Variants in VEGFC observed in about 807,000 individuals in gnomAD.
VEGFC encodes vascular endothelial growth factor C, also known as FLT4 ligand DHM.
In VEGFC, 12 loss-of-function variants were observed where a neutral mutation model predicts 46.1. That is an observed-to-expected ratio of 0.26 (90% CI 0.17 to 0.42). The LOEUF is 0.42. Ranked by LOEUF, VEGFC falls within the 10% of genes least tolerant of loss-of-function variation. The probability of loss-of-function intolerance (pLI) is 1.00; values close to 1 mark genes in which losing one functional copy is unlikely to be tolerated. For missense variants in VEGFC, 488 were observed against 529.4 expected (o/e 0.92, Z 0.77); for synonymous variants, 232 against 195.5 (o/e 1.19, Z -1.56).
intron 1 of VEGFC, among the ~76,000 whole-genome samples, chr4:176,782,715 G>A (rs988975705): frequency 2.6e-5 from 4 of 152,120 alleles, no homozygotes; most frequent in African/African-American, 9.7e-5. Flanking sequence ...ATAGAGATGT[G>A]AATGAATAAT....
chr4:176,768,923 G>A (rs10000057), intron 1 of VEGFC, among the ~76,000 whole-genome samples: 125,212 of 151,534 alleles, frequency 0.83, 53,260 homozygotes, highest in East Asian at 1. Context: ...CCCACCCCCC[G>A]TGCTGTGGTC....
intron 4 of VEGFC, among the ~76,000 whole-genome samples, chr4:176,708,284 G>C (rs1734570006): frequency 6.6e-6 from 1 of 151,708 alleles, no homozygotes; most frequent in South Asian, 2.1e-4. Context: ...TACCTTAAAA[G>C]TTTCCTGGCA....
chr4:176,704,638 G>A (rs7695304), intron 4 of VEGFC, among the ~76,000 whole-genome samples: 12,257 of 151,864 alleles, frequency 0.081, 1,656 homozygotes, highest in African/African-American at 0.28. Flanking sequence ...GATTACTCCC[G>A]AATTTTTCCA....
intron 3 of VEGFC, among the ~76,000 whole-genome samples, chr4:176,718,222 C>T (rs1490821521): frequency 6.6e-6 from 1 of 151,994 alleles, no homozygotes; most frequent in African/African-American, 2.4e-5. Flanking sequence ...ACCTGATTTC[C>T]AAAAACTGTG....
intron 4 of VEGFC, among the ~76,000 whole-genome samples, chr4:176,709,429 T>C (rs1260500394): frequency 6.6e-6 from 1 of 152,172 alleles, no homozygotes; most frequent in Admixed American, 6.5e-5. Flanking sequence ...CAGACCCTGA[T>C]AAAGCCATGT....
intron 1 of VEGFC, among the ~76,000 whole-genome samples, chr4:176,755,485 G>A (rs191924168): frequency 1.1e-3 from 171 of 151,972 alleles, no homozygotes; most frequent in Non-Finnish European, 1.9e-3. Context: ...ACGATAGCTC[G>A]CTTGATAACA....
chr4:176,788,435 G>A lies in VEGFC; in HGVS notation c.147+3730C>T, dbSNP rs187224791. On this transcript the variant is annotated intron_variant, in intron 1 of 6. Transcript: ENST00000618562. Reference sequence around the variant, plus strand: ...TATAGTGTGCCAAAGGAGACCAGCAGAGGGGCTGAAAGGAGTCTGAATCAC... The same window carrying A: ...TATAGTGTGCCAAAGGAGACCAGCAAAGGGGCTGAAAGGAGTCTGAATCAC... 1.8e-3 allele frequency among the ~76,000 whole-genome samples: 281 copies of A among 152,344 alleles called. 2 individuals carry two copies. The highest frequency in any genetic ancestry group is 6.5e-3 in the African/African-American group (271 of 41,572).
chr4:176,728,708 C>G (rs1282880919), intron 2 of VEGFC, among the ~76,000 whole-genome samples: 3 of 152,106 alleles, frequency 2.0e-5, no homozygotes, highest in Non-Finnish European at 4.4e-5. Flanking sequence ...CATATTTCCC[C>G]TAAAATAGAA....
chr4:176,791,912 T>TA (rs1393896442), intron 1 of VEGFC, among the ~76,000 whole-genome samples: 1 of 152,144 alleles, frequency 6.6e-6, no homozygotes, highest in Non-Finnish European at 1.5e-5. Flanking sequence ...CAGTCTGAAA[T>TA]AGATTTCGGG....
chr4:176,749,437 A>C (rs1006844372), intron 1 of VEGFC, among the ~76,000 whole-genome samples: 1 of 151,812 alleles, frequency 6.6e-6, no homozygotes, highest in African/African-American at 2.4e-5. Context: ...TAAATGTCAA[A>C]TTTTGTGTAT....
intron 1 of VEGFC, among the ~76,000 whole-genome samples, chr4:176,740,058 AAT>A (rs536210441): frequency 4.2e-4 from 48 of 115,454 alleles, no homozygotes; most frequent in African/African-American, 1.4e-3. Context: ...CGATATATAG[AAT>A]ATATATAACT....
intron 1 of VEGFC, among the ~76,000 whole-genome samples, chr4:176,769,017 A>C (rs1298687532): frequency 6.6e-6 from 1 of 151,842 alleles, no homozygotes; most frequent in African/African-American, 2.4e-5. Context: ...CCTTTGGGAG[A>C]TGATGAGGTC....
intron 1 of VEGFC, among the ~76,000 whole-genome samples, chr4:176,773,078 T>C (rs1182079282): frequency 6.6e-6 from 1 of 152,212 alleles, no homozygotes; most frequent in Non-Finnish European, 1.5e-5. Context: ...CCTGAGAAGA[T>C]GTAAGGGCAA....
In VEGFC at chr4:176,687,859, G is replaced by A. The variant is rs1418502821; in HGVS notation, c.773C>T (p.Ala258Val). Residue 258 changes from alanine (A) to valine (V), a missense_variant, in exon 5 of 7, where the codon GCT (alanine) becomes GTT (valine). By Grantham distance (64) the Ala-to-Val change is moderately conservative (BLOSUM62 0). Coordinates refer to ENST00000618562, the MANE Select transcript of VEGFC (RefSeq NM_005429.5). ...CGAGGAAAACATAAAATCTTCCTGA[G>A]CCAGGCATCTGCAGATGTGATTATT... ...MWNNHICRCL[A>V]QEDFMFSSDA... 1.2e-6 allele frequency: 2 copies of A among 1,613,324 alleles called. No homozygotes were observed. Among genetic ancestry groups the A allele is most frequent in the Non-Finnish European group, 1.7e-6 (2 of 1,179,762 alleles).
intron 4 of VEGFC, among the ~76,000 whole-genome samples, chr4:176,697,300 C>T (rs1208378071): frequency 1.3e-5 from 2 of 148,960 alleles, no homozygotes; most frequent in Admixed American, 6.7e-5. Context: ...AAAAAACAAA[C>T]AACCCCATCA....
chr4:176,701,496 G>A (rs1050302082), intron 4 of VEGFC, among the ~76,000 whole-genome samples: 13 of 152,098 alleles, frequency 8.5e-5, no homozygotes, highest in Non-Finnish European at 1.5e-5. Context: ...CCATAGGAAC[G>A]CTGTGCTTTC....
At chr4:176,730,911 A>T (rs1045236926) in intron 1 of VEGFC, among the ~76,000 whole-genome samples, 1 of 152,118 alleles carries the variant, frequency 6.6e-6, no homozygotes, top group Non-Finnish European at 1.5e-5. Context: ...TTTCATTATA[A>T]CAGAGCCTCC....
chr4:176,760,900 G>A (rs567898854), intron 1 of VEGFC, among the ~76,000 whole-genome samples: 23 of 152,220 alleles, frequency 1.5e-4, no homozygotes, highest in African/African-American at 5.5e-4. Context: ...TCACTCACTC[G>A]TGGTACTAGC....
At chr4:176,695,627 T>C (rs1734297897) in intron 4 of VEGFC, among the ~76,000 whole-genome samples, 1 of 152,182 alleles carries the variant, frequency 6.6e-6, no homozygotes, top group African/African-American at 2.4e-5. Context: ...TAACTCATTT[T>C]ATGAGGCCAG....
Sources: allele counts gnomAD v4.1 joint callset (sites outside exome capture counted in the v4.1 genomes callset), GRCh38; gene constraint gnomAD v4.1.1; transcripts MANE v1.5; gene names NCBI Gene and HGNC (gene_info 2026-07-23, HGNC 2026-07-21).